Variants in HS3ST3A1 observed in about 807,000 individuals in gnomAD.
The protein encoded by HS3ST3A1 is heparan sulfate glucosamine 3-O-sulfotransferase 3A1.
A neutral mutation model predicts 25.7 loss-of-function variants in HS3ST3A1; 19 were observed. The ratio of observed to expected loss-of-function variants is 0.74; its 90% confidence interval spans 0.52 to 1.08. The LOEUF (loss-of-function observed/expected upper bound fraction) is 1.08. HS3ST3A1 is among the 50% of genes least tolerant of loss of function. The probability of loss-of-function intolerance (pLI) is 0.00; values close to 1 mark genes in which losing one functional copy is unlikely to be tolerated. For synonymous variants in HS3ST3A1, 226 were observed against 278.6 expected (o/e 0.81, Z 1.88); for missense variants, 459 against 594.3 (o/e 0.77, Z 2.37).
In HS3ST3A1 at chr17:13,495,094, T is replaced by TA. The variant is rs1205742517; in HGVS notation, c.*1102dup. Among the ~76,000 whole-genome samples, 3 of 151,822 alleles carry TA rather than the reference T, an allele frequency of 2.0e-5. No homozygotes were observed. The highest frequency in any genetic ancestry group is 4.4e-5 in the Non-Finnish European group (3 of 67,954). On this transcript the variant is annotated 3_prime_UTR_variant, in exon 2 of 2. Coordinates refer to ENST00000284110, the MANE Select transcript of HS3ST3A1 (RefSeq NM_006042.3). The stretch of plus-strand genomic sequence containing the variant: ...TTTCTCTCTTTAAAAAGAGGTAAAC[T>TA]AAAAAACAAATGAGACTCATACCTG...
intron 1 of HS3ST3A1, among the ~76,000 whole-genome samples, chr17:13,589,939 C>G (rs1908376521): frequency 6.6e-6 from 1 of 152,144 alleles, no homozygotes; most frequent in Non-Finnish European, 1.5e-5. Context: ...TCATTTTTGA[C>G]TTTGTCATTC....
At chr17:13,524,280 C>A (rs1309216479) in intron 1 of HS3ST3A1, among the ~76,000 whole-genome samples, 1 of 152,042 alleles carries the variant, frequency 6.6e-6, no homozygotes, top group African/African-American at 2.4e-5. Context: ...ATATTTGAGA[C>A]AGGGTCTCAC....
intron 1 of HS3ST3A1, among the ~76,000 whole-genome samples, chr17:13,524,893 G>T (rs545619929): frequency 1.3e-5 from 2 of 152,150 alleles, no homozygotes; most frequent in East Asian, 3.9e-4. Context: ...TGATGTTAGT[G>T]GTTATGCCAT....
At chr17:13,504,795 C>A (rs764165764) in intron 1 of HS3ST3A1, among the ~76,000 whole-genome samples, 1 of 152,068 alleles carries the variant, frequency 6.6e-6, no homozygotes, top group Non-Finnish European at 1.5e-5. Flanking sequence ...GCTCATATAC[C>A]TAGGAGTCAG....
chr17:13,506,847 A>T (rs1484458085), intron 1 of HS3ST3A1, among the ~76,000 whole-genome samples: 3 of 151,332 alleles, frequency 2.0e-5, no homozygotes, highest in Admixed American at 2.0e-4. Flanking sequence ...GCCTGAGCTC[A>T]GGAGTTCGAG....
intron 1 of HS3ST3A1, among the ~76,000 whole-genome samples, chr17:13,557,238 G>T (rs896233049): frequency 1.3e-5 from 2 of 152,180 alleles, no homozygotes; most frequent in Admixed American, 6.5e-5. Context: ...CACTTAATAA[G>T]AATGGATTTT....
chr17:13,535,028 A>AAAAT (rs71312976), intron 1 of HS3ST3A1, among the ~76,000 whole-genome samples: 20,378 of 149,350 alleles, frequency 0.14, 1,400 homozygotes, highest in East Asian at 0.18. Context: ...CTCCATCTCA[A>AAAAT]AAATAAATAA....
chr17:13,530,085 C>G (rs932726368), intron 1 of HS3ST3A1, among the ~76,000 whole-genome samples: 2 of 151,676 alleles, frequency 1.3e-5, no homozygotes, highest in African/African-American at 4.8e-5. Context: ...GGAGAAAGAC[C>G]AGGGGCTTGA....
chr17:13,517,737 C>T (rs892875711), intron 1 of HS3ST3A1, among the ~76,000 whole-genome samples: 7 of 152,076 alleles, frequency 4.6e-5, no homozygotes, highest in Non-Finnish European at 5.9e-5. Flanking sequence ...CTACAACCTC[C>T]GCCTCCCAGG....
chr17:13,517,700 G>A (rs1010895732), intron 1 of HS3ST3A1, among the ~76,000 whole-genome samples: 1 of 152,110 alleles, frequency 6.6e-6, no homozygotes, highest in Non-Finnish European at 1.5e-5. Flanking sequence ...CGCCGAGGCT[G>A]GAATGCAGTG....
intron 1 of HS3ST3A1, among the ~76,000 whole-genome samples, chr17:13,552,491 A>T (rs7216579): frequency 0.44 from 66,936 of 152,020 alleles, 15,065 homozygotes; most frequent in Middle Eastern, 0.52. Context: ...AGCTTCCCCA[A>T]GGAAGCATTC....
At chr17:13,512,305 C>CAAAAAAAAAAAAAAAAAAAAAA (rs67523378) in intron 1 of HS3ST3A1, among the ~76,000 whole-genome samples, 2 of 82,114 alleles carry the variant, frequency 2.4e-5, no homozygotes, top group African/African-American at 1.2e-4. Context: ...GACTCCGTCT[C>CAAAAAAAAAAAAAAAAAAAAAA]AAAAAAAAAA....
chr17:13,565,007 C>T (rs1259923805), intron 1 of HS3ST3A1, among the ~76,000 whole-genome samples: 1 of 152,090 alleles, frequency 6.6e-6, no homozygotes, highest in Admixed American at 6.5e-5. Flanking sequence ...CAGACATGAG[C>T]CATCGTGCCT....
intron 1 of HS3ST3A1, among the ~76,000 whole-genome samples, chr17:13,558,983 C>T (rs1907454182): frequency 6.6e-6 from 1 of 152,204 alleles, no homozygotes; most frequent in Non-Finnish European, 1.5e-5. Context: ...GACTCTACCA[C>T]TTAGCAGTGA....
chr17:13,592,618 G>A (rs1392407540), intron 1 of HS3ST3A1, among the ~76,000 whole-genome samples: 3 of 152,192 alleles, frequency 2.0e-5, no homozygotes, highest in Non-Finnish European at 4.4e-5. Context: ...ATCCAATAAA[G>A]ATAAGTGAAT....
intron 1 of HS3ST3A1, among the ~76,000 whole-genome samples, chr17:13,567,487 T>G (rs537672177): frequency 6.6e-6 from 1 of 152,360 alleles, no homozygotes; most frequent in African/African-American, 2.4e-5. Flanking sequence ...CTACCATAGA[T>G]AGTGATTCCT....
chr17:13,559,489 T>C (rs1341957076), intron 1 of HS3ST3A1, among the ~76,000 whole-genome samples: 1 of 149,416 alleles, frequency 6.7e-6, no homozygotes, highest in Non-Finnish European at 1.5e-5. Flanking sequence ...ATATAAAATT[T>C]AATTATATAA....
intron 1 of HS3ST3A1, among the ~76,000 whole-genome samples, chr17:13,522,868 AC>A (rs1906293632): frequency 6.6e-6 from 1 of 151,742 alleles, no homozygotes; most frequent in African/African-American, 2.4e-5. Context: ...ACACACACAC[AC>A]ACACACACAC....
intron 1 of HS3ST3A1, among the ~76,000 whole-genome samples, chr17:13,565,057 G>A (rs567426893): frequency 6.6e-6 from 1 of 152,124 alleles, no homozygotes; most frequent in Non-Finnish European, 1.5e-5. Flanking sequence ...CTTATTTGAT[G>A]CTTTCTATGT....
Sources: gnomAD v4.1 joint callset for allele counts (sites outside exome capture counted in the v4.1 genomes callset) on GRCh38, gnomAD v4.1.1 for gene constraint, MANE v1.5 for transcripts, NCBI Gene and HGNC (gene_info 2026-07-23, HGNC 2026-07-21) for gene names.